NTM: variants seen among roughly 807,000 people sequenced by gnomAD.
NTM encodes the protein neurotrimin.
Under a neutral mutation model 42.1 loss-of-function variants are expected in NTM, and 13 were observed. The ratio of observed to expected loss-of-function variants is 0.31; its 90% CI spans 0.20 to 0.49. NTM has a LOEUF of 0.49. Ranked by LOEUF, NTM falls within the 20% of genes least tolerant of loss-of-function variation. The pLI is 0.99. For synonymous variants in NTM, 187 were observed against 179.2 expected (o/e 1.04, Z -0.35); for missense variants, 373 against 452.8 (o/e 0.82, Z 1.60).
chr11:131,923,474 G>A (rs976742875), intron 2 of NTM, among the ~76,000 whole-genome samples: 5 of 152,202 alleles, frequency 3.3e-5, no homozygotes, highest in Admixed American at 3.3e-4. Flanking sequence ...GATAGGGTGT[G>A]CGTGAGCTGG....
In NTM at chr11:131,789,636, AAAGAAGAAGAAGAAG is replaced by A. The variant is rs374898394; in HGVS notation, c.83-121910_83-121896del. ...AAGAAGAAGAAGAAGAAGAAGAAGAAAAGAAGAAGAAGAAGAAGAAGAAGAAGAAGAAAGCATGGG... is the reference window on the plus strand; with the variant it reads ...AAGAAGAAGAAGAAGAAGAAGAAGAAAAGAAGAAGAAGAAGAAAGCATGGG... On this transcript the variant is annotated intron_variant, in intron 1 of 8. Coordinates refer to ENST00000683400, the MANE Select transcript of NTM (RefSeq NM_001352005.2). 1.4e-3 allele frequency among the ~76,000 whole-genome samples: 43 copies of A among 30,900 alleles called. 3 individuals carry two copies. The highest frequency in any genetic ancestry group is 8.3e-3 in the Admixed American group (31 of 3,756). The allele number at this position is 30,900 out of a possible 152,430, so 20.3% of individuals were successfully genotyped here.
At chr11:131,582,832 G>A (rs1402329517) in intron 1 of NTM, among the ~76,000 whole-genome samples, 5 of 151,762 alleles carry the variant, frequency 3.3e-5, no homozygotes, top group African/African-American at 7.3e-5. Flanking sequence ...ATTTACTGGC[G>A]TTTGGGGTAA....
intron 1 of NTM, among the ~76,000 whole-genome samples, chr11:131,820,019 C>A (rs1056811773): frequency 1.3e-5 from 2 of 152,228 alleles, no homozygotes; most frequent in Non-Finnish European, 2.9e-5. Flanking sequence ...AAAGCCTTTA[C>A]ATGCCAGCCA....
intron 2 of NTM, among the ~76,000 whole-genome samples, chr11:132,017,884 A>G (rs2073684590): frequency 6.6e-6 from 1 of 151,954 alleles, no homozygotes; most frequent in African/African-American, 2.4e-5. Context: ...TCTCGATGCC[A>G]TTGTGAATGG....
At chr11:131,506,675 G>A (rs1454608297) in intron 1 of NTM, among the ~76,000 whole-genome samples, 1 of 152,196 alleles carries the variant, frequency 6.6e-6, no homozygotes, top group Non-Finnish European at 1.5e-5. Context: ...ACAGCCCTAG[G>A]GCCTCAGAGA....
intron 1 of NTM, among the ~76,000 whole-genome samples, chr11:131,783,222 G>A (rs1304819284): frequency 6.6e-6 from 1 of 151,984 alleles, no homozygotes; most frequent in Admixed American, 6.6e-5. Flanking sequence ...CCTATTTACA[G>A]GGTCATCCAA....
At chr11:132,171,711 T>G (rs1176569601) in intron 3 of NTM, among the ~76,000 whole-genome samples, 1 of 152,240 alleles carries the variant, frequency 6.6e-6, no homozygotes, top group Non-Finnish European at 1.5e-5. Flanking sequence ...TATTCAATTT[T>G]TGTAATGATT....
chr11:131,479,287 C>A (rs868073683), intron 1 of NTM, among the ~76,000 whole-genome samples: 197 of 152,260 alleles, frequency 1.3e-3, no homozygotes, highest in African/African-American at 4.5e-3. Flanking sequence ...CCATACAGGG[C>A]AGGTTTTCCA....
intron 4 of NTM, among the ~76,000 whole-genome samples, chr11:132,254,240 CTGGGGAG>C (rs1258881054): frequency 6.6e-6 from 1 of 152,136 alleles, no homozygotes; most frequent in Non-Finnish European, 1.5e-5. Flanking sequence ...CTGCCCCTCC[CTGGGGAG>C]TGTCTCCCCG....
intron 1 of NTM, among the ~76,000 whole-genome samples, chr11:131,378,647 C>T (rs556304752): frequency 3.2e-4 from 49 of 152,302 alleles, no homozygotes; most frequent in African/African-American, 1.1e-3. Flanking sequence ...CTCAATTGAT[C>T]AATTCCTAAG....
At chr11:131,987,507 G>A (rs2066275173) in intron 2 of NTM, among the ~76,000 whole-genome samples, 1 of 151,868 alleles carries the variant, frequency 6.6e-6, no homozygotes, top group Admixed American at 6.6e-5. Flanking sequence ...GTAAACAAAT[G>A]TATTGCAATA....
chr11:131,545,898 C>T (rs1411545028), intron 1 of NTM, among the ~76,000 whole-genome samples: 2 of 152,126 alleles, frequency 1.3e-5, no homozygotes, highest in East Asian at 1.9e-4. Flanking sequence ...TCTAACCTGG[C>T]TGGGAGGGTT....
At chr11:131,710,662 A>C (rs1592657691) in intron 1 of NTM, among the ~76,000 whole-genome samples, 1 of 152,332 alleles carries the variant, frequency 6.6e-6, no homozygotes, top group Non-Finnish European at 1.5e-5. Context: ...TGTAAAAAAA[A>C]TGCAGACTCT....
intron 7 of NTM, among the ~76,000 whole-genome samples, chr11:132,315,222 CTG>C (rs1292613415): frequency 6.6e-6 from 1 of 152,220 alleles, no homozygotes; most frequent in African/African-American, 2.4e-5. Flanking sequence ...TTTTCCAAAA[CTG>C]TCTCCAGTCG....
chr11:132,146,597 C>A lies in NTM; in HGVS notation c.400+83C>A. 1 of 1,418,010 alleles carries A rather than the reference C, an allele frequency of 7.1e-7. No individual in the cohort carries two copies. Among genetic ancestry groups the A allele is most frequent in the Non-Finnish European group, 9.7e-7 (1 of 1,034,222 alleles). 87.8% of individuals were successfully genotyped at this position (1,418,010 alleles called of 1,614,324 possible). The stretch of plus-strand genomic sequence containing the variant: ...TAAAGGTTTGTTCTCTGATCCTCAA[C>A]AGAGATGAGTTATCCTTATTCTACG... On this transcript the variant is annotated intron_variant, in intron 3 of 8. Transcript: ENST00000683400. This position sits in a 1 kb window ranked among gnomAD's most constrained non-coding sequence, Gnocchi z 4.5.
intron 1 of NTM, among the ~76,000 whole-genome samples, chr11:131,473,817 C>G (rs1952668554): frequency 6.6e-6 from 1 of 152,192 alleles, no homozygotes; most frequent in African/African-American, 2.4e-5. Flanking sequence ...GTAGCCCTCT[C>G]CCTGCTAAGA....
intron 1 of NTM, among the ~76,000 whole-genome samples, chr11:131,860,723 G>T (rs567269922): frequency 1.3e-5 from 2 of 152,276 alleles, no homozygotes; most frequent in East Asian, 1.9e-4. Flanking sequence ...AGGGCAGCAG[G>T]TCCCAGGAAG....
intron 1 of NTM, among the ~76,000 whole-genome samples, chr11:131,643,063 A>C (rs2065329363): frequency 6.6e-6 from 1 of 152,102 alleles, no homozygotes; most frequent in African/African-American, 2.4e-5. Flanking sequence ...AAAAAAAAAA[A>C]AACTCAGAAG....
intron 2 of NTM, among the ~76,000 whole-genome samples, chr11:131,917,419 T>C (rs1255222946): frequency 6.6e-6 from 1 of 152,222 alleles, no homozygotes; most frequent in Non-Finnish European, 1.5e-5. Context: ...AACTTGTGTC[T>C]GTCTGTCCAG....
Sources: gnomAD v4.1 joint callset for allele counts (sites outside exome capture counted in the v4.1 genomes callset) on GRCh38, gnomAD v4.1.1 for gene constraint, Gnocchi (gnomAD v3.1) non-coding constraint, MANE v1.5 for transcripts, NCBI Gene and HGNC (gene_info 2026-07-23, HGNC 2026-07-21) for gene names.